CSMD1: variants seen among roughly 807,000 people sequenced by gnomAD.
CSMD1 encodes CUB and Sushi multiple domains 1.
CSMD1 carries 213 observed loss-of-function variants against 417.5 expected under a neutral mutation model. The observed-to-expected ratio is 0.51, with a 90% CI of 0.46 to 0.57. CSMD1 has a LOEUF of 0.57. Among genes scored for constraint, CSMD1 ranks in the 20% least tolerant of loss-of-function variants. The pLI, the probability that CSMD1 is intolerant of heterozygous loss-of-function variation, is 0.00. For synonymous variants in CSMD1, 2,862 were observed against 1,736.8 expected, an observed-to-expected ratio of 1.65 and a Z score of -16.11; for missense variants, 6,923 against 4,529.7, an observed-to-expected ratio of 1.53 and a Z score of -15.17.
At chr8:4,952,835 T>G (rs1201404943) in intron 1 of CSMD1, among the ~76,000 whole-genome samples, 1 of 152,158 alleles carries the variant, frequency 6.6e-6, no homozygotes, top group East Asian at 1.9e-4. Flanking sequence ...TTAATAACTC[T>G]GACTATATGC....
At position 2,937,305 on chromosome 8, in the gene CSMD1, G is replaced by A. The variant is rs1315212922; in HGVS notation, c.*1280C>T. On this transcript the variant is annotated 3_prime_UTR_variant, in exon 70 of 70. Transcript: ENST00000635120. ...AAATATATCATTGTGAGAGGAGAGT[G>A]TGTGTACTTTTTCCTTCCCTCTAAA... 6.6e-6 allele frequency: 1 copy of A among 152,074 alleles called. No individual in the cohort carries two copies. Among genetic ancestry groups the A allele is most frequent in the Non-Finnish European group, 1.5e-5 (1 of 68,026 alleles). The allele number at this position is 152,074 out of a possible 1,614,324, so 9.4% of individuals were successfully genotyped here.
intron 5 of CSMD1, among the ~76,000 whole-genome samples, chr8:3,967,362 A>C (rs886126600): frequency 6.6e-6 from 1 of 152,082 alleles, no homozygotes; most frequent in African/African-American, 2.4e-5. Flanking sequence ...ACTTGTAAAC[A>C]TGGAACTGCA....
rs148356685 is a variant in CSMD1 at position 3,885,831 on chromosome 8, A to C, written c.818+112072T>G. On this transcript the variant is annotated intron_variant, in intron 5 of 69. Coordinates refer to ENST00000635120, the MANE Select transcript of CSMD1 (RefSeq NM_033225.6). ...CAGTTCTAGAATAAAAATGTGTCTG[A>C]CCTGGCAAACGTCTCTGTGAACAAA... is the stretch of plus-strand genomic sequence containing the variant. Among the ~76,000 whole-genome samples the C allele has an allele frequency of 3.9e-5, 6 of 152,246 alleles. No individual in the cohort carries two copies. In the East Asian group the frequency reaches 1.2e-3, roughly 29 times the overall value.
chr8:4,630,832 A>T (rs1287296138), intron 2 of CSMD1, among the ~76,000 whole-genome samples: 1 of 152,086 alleles, frequency 6.6e-6, no homozygotes, highest in East Asian at 1.9e-4. Context: ...AAGCTCTTCC[A>T]CTGCTACTTC....
chr8:4,717,144 A>G (rs1808708597), intron 1 of CSMD1, among the ~76,000 whole-genome samples: 4 of 151,802 alleles, frequency 2.6e-5, no homozygotes, highest in African/African-American at 7.3e-5. Context: ...TTAGGAAAAA[A>G]AACTAGGGTA....
At chr8:3,293,241 C>G (rs1803712213) in intron 25 of CSMD1, among the ~76,000 whole-genome samples, 2 of 152,180 alleles carry the variant, frequency 1.3e-5, no homozygotes, top group Non-Finnish European at 2.9e-5. Flanking sequence ...GGACCTTTCT[C>G]TCTGGCTGCC....
intron 3 of CSMD1, among the ~76,000 whole-genome samples, chr8:4,186,003 T>C (rs560930651): frequency 6.6e-6 from 1 of 152,318 alleles, no homozygotes; most frequent in East Asian, 1.9e-4. Context: ...TGTTTTGTTA[T>C]GATCTGATAC....
intron 1 of CSMD1, among the ~76,000 whole-genome samples, chr8:4,968,222 G>T (rs907748079): frequency 6.6e-6 from 1 of 151,326 alleles, no homozygotes; most frequent in Admixed American, 6.6e-5. Context: ...TCAGGGTTTT[G>T]ATTCATTTTT....
chr8:3,289,510 T>C lies in CSMD1; in HGVS notation c.3951-5164A>G, dbSNP rs1467152258. On this transcript the variant is annotated intron_variant, in intron 25 of 69. Coordinates refer to ENST00000635120, the MANE Select transcript of CSMD1 (RefSeq NM_033225.6). The stretch of plus-strand genomic sequence containing the variant: ...CTGTTTTTTCCTGACTTGTTAATGA[T>C]CGCCATTCTAACTGGTGTGAGATGG... Among the ~76,000 whole-genome samples, 2 of 145,508 alleles carry C rather than the reference T, an allele frequency of 1.4e-5. 1 individual carries two copies. Among genetic ancestry groups the C allele is most frequent in the African/African-American group, 5.5e-5 (2 of 36,508 alleles).
At chr8:3,949,648 G>C (rs967781311) in intron 5 of CSMD1, among the ~76,000 whole-genome samples, 3 of 151,998 alleles carry the variant, frequency 2.0e-5, no homozygotes, top group South Asian at 2.1e-4. Context: ...CAAGATTGAA[G>C]GGGCAACGAG....
At chr8:4,305,210 A>T (rs1337723714) in intron 3 of CSMD1, among the ~76,000 whole-genome samples, 2 of 152,196 alleles carry the variant, frequency 1.3e-5, no homozygotes, top group African/African-American at 2.4e-5. Context: ...ACTCCCCAAC[A>T]GAGAAGGATG....
At chr8:3,467,280 T>A (rs527302548) in intron 12 of CSMD1, among the ~76,000 whole-genome samples, 1 of 152,218 alleles carries the variant, frequency 6.6e-6, no homozygotes, top group Non-Finnish European at 1.5e-5. Context: ...TGTATCTCAA[T>A]GCTGCTGAGA....
chr8:2,961,038 A>G, intron 62 of CSMD1, 103 bp downstream of exon 62: 1 of 571,550 alleles, frequency 1.7e-6, no homozygotes, highest in Non-Finnish European at 2.7e-6. Flanking sequence ...AGGTAAATAT[A>G]ACATGAATAA....
At chr8:3,799,192 G>C (rs1279188877) in intron 5 of CSMD1, among the ~76,000 whole-genome samples, 4 of 151,834 alleles carry the variant, frequency 2.6e-5, no homozygotes, top group Non-Finnish European at 4.4e-5. Flanking sequence ...AAGAAAAAGA[G>C]GAATAGCACA....
rs1798114425 is a variant in CSMD1, at chr8:4,556,858, A to C, written c.302+80484T>G. ...TTAGGATTTGGGATGTGTAACTAAT[A>C]CGTATAATGCAATGATTCCAAACTC... On this transcript the variant is annotated intron_variant, in intron 2 of 69. Coordinates refer to ENST00000635120, the MANE Select transcript of CSMD1 (RefSeq NM_033225.6). Among the ~76,000 whole-genome samples the C allele has an allele frequency of 2.0e-5, 3 of 152,182 alleles. No homozygotes were observed. In the South Asian group the frequency reaches 6.2e-4, roughly 32 times the overall value.
intron 3 of CSMD1, among the ~76,000 whole-genome samples, chr8:4,346,935 AAGTG>A (rs1800807980): frequency 6.6e-6 from 1 of 152,158 alleles, no homozygotes; most frequent in Admixed American, 6.5e-5. Flanking sequence ...ACTAATTTGA[AAGTG>A]AGTTTAGTTA....
At chr8:4,236,055 T>TTTTTTTTTTTTG (rs1563316720) in intron 3 of CSMD1, among the ~76,000 whole-genome samples, 19 of 83,740 alleles carry the variant, frequency 2.3e-4, no homozygotes, top group South Asian at 3.5e-4. Flanking sequence ...TTTTTTTTTT[T>TTTTTTTTTTTTG]TTTTTTTTTT....
chr8:4,883,092 C>A (rs1036937073), intron 1 of CSMD1, among the ~76,000 whole-genome samples: 1 of 151,980 alleles, frequency 6.6e-6, no homozygotes, highest in African/African-American at 2.4e-5. Flanking sequence ...AATCTGGAGT[C>A]CTCTACAAGA....
chr8:3,833,155 T>C (rs908160200), intron 5 of CSMD1, among the ~76,000 whole-genome samples: 1 of 152,154 alleles, frequency 6.6e-6, no homozygotes, highest in African/African-American at 2.4e-5. Flanking sequence ...CTCTTTAAAA[T>C]TTCAGGAAAG....
Sources: allele counts gnomAD v4.1 joint callset (sites outside exome capture counted in the v4.1 genomes callset), GRCh38; gene constraint gnomAD v4.1.1; transcripts MANE v1.5; gene names NCBI Gene and HGNC (gene_info 2026-07-23, HGNC 2026-07-21).